FBXO3: variants seen among roughly 807,000 people sequenced by gnomAD.
FBXO3 encodes F-box only protein 3.
In FBXO3, 17 loss-of-function variants were observed where a neutral mutation model predicts 64.8. The ratio of observed to expected loss-of-function variants is 0.26; its 90% CI spans 0.18 to 0.39. The LOEUF (loss-of-function observed/expected upper bound fraction) is 0.39, where lower values mean the gene tolerates loss of function less well. Among genes scored for constraint, FBXO3 ranks in the 10% least tolerant of loss-of-function variants. The probability of loss-of-function intolerance (pLI) is 1.00; values close to 1 mark genes in which losing one functional copy is unlikely to be tolerated. For synonymous variants in FBXO3, 182 were observed against 201.6 expected, an observed-to-expected ratio of 0.90 and a Z score of 0.82; for missense variants, 420 against 589.9, an observed-to-expected ratio of 0.71 and a Z score of 2.98.
chr11:33,741,787 G>A lies in FBXO3; in HGVS notation c.*121C>T. 1 of 1,025,464 alleles carries A rather than the reference G, an allele frequency of 9.8e-7. No individual in the cohort carries two copies. The highest frequency in any genetic ancestry group is 1.3e-6 in the Non-Finnish European group (1 of 765,230). 63.5% of individuals were successfully genotyped at this position (1,025,464 alleles called of 1,614,324 possible). A position where few individuals can be genotyped will look rare whatever the true frequency, so the allele number is the denominator to read the frequency against. On this transcript the variant is annotated 3_prime_UTR_variant, in exon 11 of 11. Transcript: ENST00000265651. ...TAGTGTCACATAGAACCCAGGGCCT[G>A]AAACAATATTTCATGCTAGTTTTCC...
chr11:33,760,477 T>TAA (rs111943534), intron 3 of FBXO3, among the ~76,000 whole-genome samples: 157 of 143,318 alleles, frequency 1.1e-3, no homozygotes, highest in African/African-American at 3.8e-3. Flanking sequence ...ACCCCATCTA[T>TAA]AAAAAAAAAA....
At chr11:33,759,921 G>A (rs1051060743) in intron 3 of FBXO3, among the ~76,000 whole-genome samples, 1 of 152,184 alleles carries the variant, frequency 6.6e-6, no homozygotes, top group Non-Finnish European at 1.5e-5. Context: ...TACACTGAAA[G>A]GGTTTAACAG....
In FBXO3 at chr11:33,741,938, A is replaced by G; in HGVS notation, c.1386T>C (p.Ile462=). Residue 462 remains isoleucine, a synonymous_variant, in exon 11 of 11, where the codon ATT becomes ATC. Transcript: ENST00000265651. ...AAAGGCGTGAGCAGCGGCGTCTGCG[A>G]ATGGGAACATCAAAGACTCTCCTCC... ...ERRRRVFDVP[I]RRRRCSRLF is the part of the protein sequence containing the mutation. The G allele has an allele frequency of 6.2e-7, 1 of 1,613,668 alleles. No homozygotes were observed. Among genetic ancestry groups the G allele is most frequent in the Non-Finnish European group, 8.5e-7 (1 of 1,179,750 alleles).
At chr11:33,744,615 GA>G (rs1218212173) in intron 10 of FBXO3, 1 of 152,112 alleles carries the variant, frequency 6.6e-6, no homozygotes, top group African/African-American at 2.4e-5. Flanking sequence ...TTTTAATGTT[GA>G]TAAGAAGTAA....
chr11:33,771,687 T>A (rs776189687), intron 1 of FBXO3: 1 of 152,330 alleles, frequency 6.6e-6, no homozygotes, highest in East Asian at 1.9e-4. Flanking sequence ...TTAAAAACCA[T>A]CTATAGTAAA....
Position 33,741,971 on chromosome 11 carries a change from CTCTTCATCA to C in FBXO3, c.1344_1352del (p.Asp448_Glu450del). Reference sequence around the variant, plus strand: ...CATCAAAGACTCTCCTCCGTCTCTCCTCTTCATCATCTTCATCTGATTCATCCATATCTG... The same window carrying C: ...CATCAAAGACTCTCCTCCGTCTCTCCTCTTCATCTGATTCATCCATATCTG... On this transcript the variant is annotated inframe_deletion, in exon 11 of 11. Coordinates refer to ENST00000265651, the MANE Select transcript of FBXO3 (RefSeq NM_012175.4). The C allele has an allele frequency of 6.2e-7, 1 of 1,613,868 alleles. No individual in the cohort carries two copies. Among genetic ancestry groups the C allele is most frequent in the Admixed American group, 1.7e-5 (1 of 60,004 alleles).
At chr11:33,751,423 A>G in intron 7 of FBXO3, 100 bp downstream of exon 7, 1 of 757,968 alleles carries the variant, frequency 1.3e-6, no homozygotes, top group South Asian at 1.6e-5. Flanking sequence ...GAGAGGTTCT[A>G]TTATCAACCT....
rs769664511 is a variant in FBXO3 at position 33,741,895 on chromosome 11, A to G, written c.*13T>C. 4 of 1,606,168 alleles carry G rather than the reference A, an allele frequency of 2.5e-6. No individual in the cohort carries two copies. Among genetic ancestry groups the G allele is most frequent in the East Asian group, 4.5e-5 (2 of 44,782 alleles). On this transcript the variant is annotated 3_prime_UTR_variant, in exon 11 of 11. Transcript: ENST00000265651. ...CTAGAATCATCCTAGTGCTTCCATC[A>G]GCAGAAGGCTTGCTAAAAAAGGCGT...
intron 3 of FBXO3, among the ~76,000 whole-genome samples, chr11:33,759,058 C>CT (rs1564991261): frequency 6.6e-6 from 1 of 152,166 alleles, no homozygotes; most frequent in Non-Finnish European, 1.5e-5. Flanking sequence ...AACTTGAACT[C>CT]TATTTTGCAT....
At chr11:33,752,708 G>A (rs1183669082) in intron 6 of FBXO3, among the ~76,000 whole-genome samples, 1 of 152,096 alleles carries the variant, frequency 6.6e-6, no homozygotes, top group Non-Finnish European at 1.5e-5. Flanking sequence ...CTTTGAGTAA[G>A]ATATTAAGAA....
At chr11:33,750,909 G>C (rs1854940786) in intron 7 of FBXO3, among the ~76,000 whole-genome samples, 1 of 152,168 alleles carries the variant, frequency 6.6e-6, no homozygotes, top group Non-Finnish European at 1.5e-5. Context: ...TAACGGATTG[G>C]TAATTAGCTT....
chr11:33,759,234 G>A (rs1018304388), intron 3 of FBXO3, among the ~76,000 whole-genome samples: 5 of 152,314 alleles, frequency 3.3e-5, no homozygotes, highest in South Asian at 4.1e-4. Flanking sequence ...GAGTCACAAC[G>A]GTAGGGGAGA....
rs1590557579 is a variant in FBXO3, at chr11:33,742,147, T to C, written c.1240-63A>G. On this transcript the variant is annotated intron_variant, in intron 10 of 10. Transcript: ENST00000265651. ...CTATCAGTTTTTTAGTTATTTCATGTAAATTCTCATTTATCTAGAATTCAA... is the reference window on the plus strand; with the variant it reads ...CTATCAGTTTTTTAGTTATTTCATGCAAATTCTCATTTATCTAGAATTCAA... 6 of 1,398,798 alleles carry C rather than the reference T, an allele frequency of 4.3e-6. No individual in the cohort carries two copies. The East Asian group carries it at 1.5e-4, about 35-fold the overall frequency. The allele number at this position is 1,398,798 out of a possible 1,614,324, so 86.6% of individuals were successfully genotyped here.
intron 10 of FBXO3, chr11:33,746,078 G>C (rs1854806926): frequency 6.6e-6 from 1 of 152,010 alleles, no homozygotes; most frequent in Non-Finnish European, 1.5e-5. Flanking sequence ...AGAAGAAATA[G>C]AAAATATGAA....
In FBXO3 at chr11:33,742,360, G is replaced by A. The variant is rs147207523; in HGVS notation, c.1240-276C>T. ...AATTATTATTTTTTCTTAGAGACGAGTTCTTGCTGTGTTGCCTAGGCTAGC... is the reference window on the plus strand; with the variant it reads ...AATTATTATTTTTTCTTAGAGACGAATTCTTGCTGTGTTGCCTAGGCTAGC... On this transcript the variant is annotated intron_variant, in intron 10 of 10. Coordinates refer to ENST00000265651, the MANE Select transcript of FBXO3 (RefSeq NM_012175.4). 143 of 213,458 alleles carry A rather than the reference G, an allele frequency of 6.7e-4. 1 individual carries two copies. The highest frequency in any genetic ancestry group is 3.0e-3 in the African/African-American group (131 of 43,190). The allele number at this position is 213,458 out of a possible 1,614,324, so 13.2% of individuals were successfully genotyped here.
chr11:33,755,580 T>C (rs1855076931), intron 5 of FBXO3, among the ~76,000 whole-genome samples, 191 bp downstream of exon 5: 1 of 152,248 alleles, frequency 6.6e-6, no homozygotes, highest in Admixed American at 6.5e-5. Context: ...CAGTTTTTTA[T>C]GTCCAACTGT....
chr11:33,770,911 T>C (rs1855496040), intron 1 of FBXO3, 81 bp from the exon 2 acceptor site: 1 of 1,130,722 alleles, frequency 8.8e-7, no homozygotes, highest in Admixed American at 2.0e-5. Context: ...ATTCATTGTT[T>C]TGTTTTATGC....
intron 3 of FBXO3, among the ~76,000 whole-genome samples, chr11:33,764,667 A>G (rs543682139): frequency 6.6e-6 from 1 of 152,236 alleles, no homozygotes; most frequent in South Asian, 2.1e-4. Context: ...AATACCTGAC[A>G]AGTACTCTCT....
At chr11:33,747,349 A>C in intron 9 of FBXO3, 29 bp from the exon 10 acceptor site, 1 of 1,545,146 alleles carries the variant, frequency 6.5e-7, no homozygotes, top group Non-Finnish European at 8.9e-7. Flanking sequence ...CAATAAACCA[A>C]AGTATAAAAT....
Sources: gnomAD v4.1 joint callset for allele counts (sites outside exome capture counted in the v4.1 genomes callset) on GRCh38, gnomAD v4.1.1 for gene constraint, MANE v1.5 for transcripts, NCBI Gene and HGNC (gene_info 2026-07-23, HGNC 2026-07-21) for gene names.